The following ERBB4 variants were observed in gnomAD, a reference collection of about 807,000 sequenced individuals.
ERBB4 encodes receptor tyrosine-protein kinase erbB-4.
Under a neutral mutation model 158.0 loss-of-function variants are expected in ERBB4, and 42 were observed. The observed-to-expected ratio is 0.27, with a 90% CI of 0.21 to 0.34. The LOEUF (loss-of-function observed/expected upper bound fraction) is 0.34, where lower values mean the gene tolerates loss of function less well. Ranked by LOEUF, ERBB4 falls within the 10% of genes least tolerant of loss-of-function variation. The probability of loss-of-function intolerance (pLI) is 1.00; values close to 1 mark genes in which losing one functional copy is unlikely to be tolerated. For missense variants in ERBB4, 1,333 were observed against 1,624.1 expected (o/e 0.82, Z 3.08); for synonymous variants, 583 against 558.7 (o/e 1.04, Z -0.61).
intron 2 of ERBB4, among the ~76,000 whole-genome samples, chr2:212,073,542 G>C (rs2078187324): frequency 1.3e-5 from 2 of 152,056 alleles, no homozygotes; most frequent in Middle Eastern, 3.4e-3. Context: ...TGCAGGGAGT[G>C]AGTCAGAGGA....
intron 1 of ERBB4, among the ~76,000 whole-genome samples, chr2:212,219,189 T>C (rs1484020793): frequency 1.3e-5 from 2 of 151,440 alleles, no homozygotes; most frequent in Non-Finnish European, 3.0e-5. Flanking sequence ...AAAGAAGTTA[T>C]GATTTTAAAA....
chr2:211,386,571 T>G (rs879311240), intron 27 of ERBB4, among the ~76,000 whole-genome samples: 5 of 152,222 alleles, frequency 3.3e-5, no homozygotes, highest in African/African-American at 4.8e-5. Context: ...AGAATAGTGC[T>G]TCTCAAGACT....
chr2:211,586,838 A>C (rs2068294026), intron 19 of ERBB4, among the ~76,000 whole-genome samples: 1 of 152,176 alleles, frequency 6.6e-6, no homozygotes, highest in Admixed American at 6.5e-5. Flanking sequence ...GATAAGAAAT[A>C]TCATTTCAAG....
chr2:211,428,906 A>C (rs2063692462), intron 21 of ERBB4, among the ~76,000 whole-genome samples: 1 of 151,664 alleles, frequency 6.6e-6, no homozygotes, highest in Admixed American at 6.6e-5. Flanking sequence ...TTTAGAGATG[A>C]TCATCATGTT....
intron 3 of ERBB4, among the ~76,000 whole-genome samples, chr2:211,807,775 T>A (rs2076655321): frequency 6.6e-6 from 1 of 152,228 alleles, no homozygotes; most frequent in Non-Finnish European, 1.5e-5. Context: ...CTTCACATAC[T>A]CTCCAGCATC....
chr2:212,112,296 G>A (rs188403075), intron 2 of ERBB4, among the ~76,000 whole-genome samples: 1 of 152,142 alleles, frequency 6.6e-6, no homozygotes, highest in Admixed American at 6.5e-5. Flanking sequence ...AGCAAAGGAG[G>A]TGAATTTGTC....
At chr2:211,935,637 C>T (rs2125108663) in intron 3 of ERBB4, among the ~76,000 whole-genome samples, 1 of 151,440 alleles carries the variant, frequency 6.6e-6, no homozygotes, top group East Asian at 1.9e-4. Flanking sequence ...AGGTGCTGAG[C>T]CAGGTCACCA....
Position 211,948,436 on chromosome 2 carries a change from CAAAAAAAA to C in ERBB4, c.235-828_235-821del, listed in dbSNP as rs55763428. ...GGCGACAGAGTGAGACTCTGTCTCA[CAAAAAAAA>C]AAAAAAAAAAAAAAAAAAACCTAAT... On this transcript the variant is annotated intron_variant, in intron 2 of 27. Coordinates refer to ENST00000342788, the MANE Select transcript of ERBB4 (RefSeq NM_005235.3). Among the ~76,000 whole-genome samples, 12 of 81,356 alleles carry C rather than the reference CAAAAAAAA, an allele frequency of 1.5e-4. 1 individual carries two copies. Among genetic ancestry groups the C allele is most frequent in the African/African-American group, 3.4e-4 (7 of 20,310 alleles). 53.4% of individuals were successfully genotyped at this position (81,356 alleles called of 152,430 possible).
chr2:212,412,106 A>G (rs2091516720), intron 1 of ERBB4, among the ~76,000 whole-genome samples: 3 of 152,254 alleles, frequency 2.0e-5, no homozygotes, highest in Admixed American at 2.0e-4. Context: ...GGAAAGAATC[A>G]TGCCCACACC....
intron 2 of ERBB4, among the ~76,000 whole-genome samples, chr2:212,081,541 T>G (rs1021788619): frequency 6.6e-6 from 1 of 152,136 alleles, no homozygotes; most frequent in Non-Finnish European, 1.5e-5. Context: ...GTGGTGCTAA[T>G]GTTATATATG....
intron 1 of ERBB4, among the ~76,000 whole-genome samples, chr2:212,484,369 C>T (rs992217998): frequency 6.6e-6 from 1 of 151,876 alleles, no homozygotes; most frequent in African/African-American, 2.4e-5. Flanking sequence ...ATGAGTTACC[C>T]GTTCACATAT....
At chr2:212,505,536 C>A (rs1691146887) in intron 1 of ERBB4, among the ~76,000 whole-genome samples, 1 of 148,192 alleles carries the variant, frequency 6.7e-6, no homozygotes, top group African/African-American at 2.4e-5. Context: ...TCCAAAGGGT[C>A]TCCTGTGCAT....
At chr2:211,423,284 C>T (rs2063550319) in intron 23 of ERBB4, among the ~76,000 whole-genome samples, 1 of 151,952 alleles carries the variant, frequency 6.6e-6, no homozygotes, top group Non-Finnish European at 1.5e-5. Flanking sequence ...TCCTCCCTCA[C>T]TGTCAGAATG....
chr2:211,588,555 T>G (rs1449689655), intron 19 of ERBB4, among the ~76,000 whole-genome samples: 2 of 152,214 alleles, frequency 1.3e-5, no homozygotes, highest in Admixed American at 1.3e-4. Flanking sequence ...AACTACATTT[T>G]ATATTTTGAC....
At chr2:212,285,072 C>G (rs908396200) in intron 1 of ERBB4, among the ~76,000 whole-genome samples, 38 of 152,014 alleles carry the variant, frequency 2.5e-4, no homozygotes, top group African/African-American at 8.9e-4. Context: ...TCATTAGAAG[C>G]CTTGGAAAGA....
intron 3 of ERBB4, among the ~76,000 whole-genome samples, chr2:211,859,809 T>C (rs1444952359): frequency 6.6e-6 from 1 of 152,174 alleles, no homozygotes; most frequent in African/African-American, 2.4e-5. Flanking sequence ...AAGTAATCAG[T>C]TCTGTAAGAC....
intron 1 of ERBB4, among the ~76,000 whole-genome samples, chr2:212,321,290 A>G (rs1189858865): frequency 6.6e-6 from 1 of 150,672 alleles, no homozygotes; most frequent in African/African-American, 2.4e-5. Context: ...GGGACTACAG[A>G]TTCACTAAGG....
In ERBB4 at chr2:211,986,611, T is replaced by C. The variant is rs142550418; in HGVS notation, c.235-38995A>G. On this transcript the variant is annotated intron_variant, in intron 2 of 27. Transcript: ENST00000342788. The stretch of plus-strand genomic sequence containing the variant: ...CTTGAGAGTTAGCATAGCCTATTGG[T>C]TCAAGAACCTGGGCTCTAGGGCCAG... 7.6e-4 allele frequency among the ~76,000 whole-genome samples: 116 copies of C among 152,270 alleles called. 1 individual carries two copies. Among genetic ancestry groups the C allele is most frequent in the African/African-American group, 2.7e-3 (112 of 41,554 alleles).
intron 1 of ERBB4, among the ~76,000 whole-genome samples, chr2:212,484,000 T>C (rs754937327): frequency 6.6e-6 from 1 of 152,106 alleles, no homozygotes; most frequent in Admixed American, 6.6e-5. Flanking sequence ...CCTCCCAAAG[T>C]GTTAGGATTA....
Sources: gnomAD v4.1 joint callset for allele counts (sites outside exome capture counted in the v4.1 genomes callset) on GRCh38, gnomAD v4.1.1 for gene constraint, MANE v1.5 for transcripts, NCBI Gene and HGNC (gene_info 2026-07-23, HGNC 2026-07-21) for gene names.